PDE4D: variants seen among roughly 807,000 people sequenced by gnomAD.
The protein encoded by PDE4D is phosphodiesterase 4D.
Under a neutral mutation model 87.4 loss-of-function variants are expected in PDE4D, and 24 were observed. The observed-to-expected ratio is 0.27, with a 90% CI of 0.20 to 0.39. The LOEUF is 0.39. Ranked by LOEUF, PDE4D falls within the 10% of genes least tolerant of loss-of-function variation. The probability of loss-of-function intolerance (pLI) is 1.00; values close to 1 mark genes in which losing one functional copy is unlikely to be tolerated. For synonymous variants in PDE4D, 384 were observed against 383.2 expected (o/e 1.00, Z -0.02); for missense variants, 714 against 1,041.0 (o/e 0.69, Z 4.32).
At chr5:59,309,651 G>A (rs952147466) in intron 1 of PDE4D, among the ~76,000 whole-genome samples, 1 of 152,186 alleles carries the variant, frequency 6.6e-6, no homozygotes, top group Non-Finnish European at 1.5e-5. Flanking sequence ...TTCCTTCAGA[G>A]GGTGTGTGGG....
chr5:58,983,370 G>A (rs1263731352), intron 11 of PDE4D, among the ~76,000 whole-genome samples: 3 of 152,302 alleles, frequency 2.0e-5, no homozygotes, highest in East Asian at 1.9e-4. Context: ...GTGTCTGCTC[G>A]GACCTGATAG....
At chr5:60,299,493 C>T (rs1389388591) in intron 1 of PDE4D, among the ~76,000 whole-genome samples, 3 of 152,150 alleles carry the variant, frequency 2.0e-5, no homozygotes, top group Non-Finnish European at 4.4e-5. Flanking sequence ...GATCATCCCA[C>T]CACCTAGGTA....
chr5:60,476,782 C>A (rs1012790246), intron 1 of PDE4D, among the ~76,000 whole-genome samples: 1 of 152,046 alleles, frequency 6.6e-6, no homozygotes, highest in Non-Finnish European at 1.5e-5. Flanking sequence ...CAACACTAAT[C>A]AAAAAAAGCA....
At chr5:59,401,374 G>A (rs371297732) in intron 1 of PDE4D, among the ~76,000 whole-genome samples, 1 of 152,030 alleles carries the variant, frequency 6.6e-6, no homozygotes, top group Non-Finnish European at 1.5e-5. Flanking sequence ...AGGTTACAGT[G>A]ACCTATGGTC....
chr5:59,337,332 C>T (rs7703452), intron 1 of PDE4D, among the ~76,000 whole-genome samples: 21,206 of 146,226 alleles, frequency 0.15, 2,239 homozygotes, highest in East Asian at 0.32. Context: ...TTCCCCCCCC[C>T]CCACCTTTTT....
chr5:59,685,829 C>T (rs563766999), intron 1 of PDE4D, among the ~76,000 whole-genome samples: 1 of 152,040 alleles, frequency 6.6e-6, no homozygotes, highest in Admixed American at 6.6e-5. Context: ...CATTTTCTGA[C>T]CACGATAAGC....
intron 2 of PDE4D, chr5:60,021,812 A>G (rs1481136315): frequency 6.6e-6 from 1 of 152,220 alleles, no homozygotes; most frequent in Non-Finnish European, 1.5e-5. Flanking sequence ...GTGGTGGACC[A>G]TTTCAAGTCC....
chr5:59,327,526 G>T (rs942506960), intron 1 of PDE4D, among the ~76,000 whole-genome samples: 1 of 152,068 alleles, frequency 6.6e-6, no homozygotes, highest in Admixed American at 6.6e-5. Flanking sequence ...GATTAGGCAG[G>T]CCCAAAAATG....
At chr5:60,179,757 C>T (rs183851265) in intron 2 of PDE4D, among the ~76,000 whole-genome samples, 2 of 151,816 alleles carry the variant, frequency 1.3e-5, no homozygotes, top group South Asian at 2.1e-4. Context: ...TTTTAGTTTT[C>T]AAAACATTTG....
rs373517250 is a variant in PDE4D, at chr5:59,403,145, A to AGGTAGGTAGGTAGGTAGG, written c.456-187178_456-187177insCCTACCTACCTACCTACC. On this transcript the variant is annotated intron_variant, in intron 1 of 14. Transcript: ENST00000340635. ...TGGTACATAATAGGTAGGTAGGTAG[A>AGGTAGGTAGGTAGGTAGG]CAGACAGACAGACAGACAGACAGAC... 2.0e-4 allele frequency among the ~76,000 whole-genome samples: 26 copies of AGGTAGGTAGGTAGGTAGG among 130,412 alleles called. No homozygotes were observed. In the Middle Eastern group the frequency reaches 0.013, roughly 64 times the overall value. The allele number at this position is 130,412 out of a possible 152,430, so 85.6% of individuals were successfully genotyped here. A position where few individuals can be genotyped will look rare whatever the true frequency, so the allele number is the denominator to read the frequency against.
At chr5:59,383,255 C>A (rs527693337) in intron 1 of PDE4D, among the ~76,000 whole-genome samples, 1 of 152,100 alleles carries the variant, frequency 6.6e-6, no homozygotes, top group Admixed American at 6.6e-5. Flanking sequence ...TATTATGTCC[C>A]CATTCACGAT....
intron 3 of PDE4D, among the ~76,000 whole-genome samples, chr5:59,965,908 G>C (rs1392991744): frequency 6.6e-6 from 1 of 152,066 alleles, no homozygotes; most frequent in Non-Finnish European, 1.5e-5. Context: ...GCAGCATTTG[G>C]CCCACAGGCT....
chr5:58,993,125 T>G (rs970958405), intron 7 of PDE4D, among the ~76,000 whole-genome samples: 2 of 152,084 alleles, frequency 1.3e-5, no homozygotes, highest in Non-Finnish European at 2.9e-5. Context: ...TATGAAAAAA[T>G]GGCAATATAT....
At chr5:59,252,793 T>C (rs1292173411) in intron 1 of PDE4D, among the ~76,000 whole-genome samples, 2 of 152,074 alleles carry the variant, frequency 1.3e-5, no homozygotes, top group Non-Finnish European at 2.9e-5. Flanking sequence ...TCCCAGAGTG[T>C]TAGGATTATA....
At chr5:59,465,425 A>T (rs1232657350) in intron 1 of PDE4D, among the ~76,000 whole-genome samples, 1 of 152,166 alleles carries the variant, frequency 6.6e-6, no homozygotes, top group Non-Finnish European at 1.5e-5. Context: ...CCTCATTGTT[A>T]CATCCTAGGA....
intron 1 of PDE4D, among the ~76,000 whole-genome samples, chr5:59,527,539 A>G (rs921989517): frequency 6.6e-6 from 1 of 152,222 alleles, no homozygotes; most frequent in Admixed American, 6.5e-5. Flanking sequence ...TCAAGCCTTC[A>G]CTGCAAAGTA....
At chr5:60,162,258 T>C (rs1026205268) in intron 2 of PDE4D, among the ~76,000 whole-genome samples, 13 of 152,138 alleles carry the variant, frequency 8.5e-5, no homozygotes, top group Admixed American at 8.5e-4. Context: ...GTGGGTAAAA[T>C]TGTTAATGCT....
chr5:59,719,057 T>C (rs1383870039), intron 1 of PDE4D, among the ~76,000 whole-genome samples: 1 of 151,004 alleles, frequency 6.6e-6, no homozygotes, highest in Non-Finnish European at 1.5e-5. Context: ...GAGACATAAG[T>C]GGCTTCAATG....
At chr5:59,843,440 C>G (rs1209385322) in intron 1 of PDE4D, among the ~76,000 whole-genome samples, 1 of 142,974 alleles carries the variant, frequency 7.0e-6, no homozygotes, top group Non-Finnish European at 1.6e-5. Flanking sequence ...CTACCCTACT[C>G]CCCCCCAGAA....
Sources: gnomAD v4.1 joint callset for allele counts (sites outside exome capture counted in the v4.1 genomes callset) on GRCh38, gnomAD v4.1.1 for gene constraint, MANE v1.5 for transcripts, NCBI Gene and HGNC (gene_info 2026-07-23, HGNC 2026-07-21) for gene names.